The following TM9SF4 variants were observed in gnomAD, a reference collection of about 807,000 sequenced individuals.
TM9SF4 encodes the protein transmembrane 9 superfamily member 4.
TM9SF4 carries 26 observed loss-of-function variants against 90.4 expected under a neutral mutation model. The observed-to-expected ratio is 0.29, with a 90% CI of 0.21 to 0.40. The LOEUF (loss-of-function observed/expected upper bound fraction) is 0.40. Ranked by LOEUF, TM9SF4 falls within the 10% of genes least tolerant of loss-of-function variation. The pLI is 1.00. For synonymous variants in TM9SF4, 293 were observed against 315.4 expected (o/e 0.93, Z 0.75); for missense variants, 549 against 834.8 (o/e 0.66, Z 4.22).
chr20:32,113,349 A>G (rs760741016), intron 1 of TM9SF4, among the ~76,000 whole-genome samples: 9 of 152,176 alleles, frequency 5.9e-5, no homozygotes, highest in Non-Finnish European at 1.2e-4. Flanking sequence ...TTCTCCCTCC[A>G]TAGAAGATAG....
At chr20:32,112,478 T>G (rs1294938513) in intron 1 of TM9SF4, among the ~76,000 whole-genome samples, 1 of 151,930 alleles carries the variant, frequency 6.6e-6, no homozygotes, top group African/African-American at 2.4e-5. Flanking sequence ...GGCAAATCAC[T>G]TGAGGCCAGG....
chr20:32,158,647 C>A, intron 15 of TM9SF4, 133 bp downstream of exon 15: 1 of 895,266 alleles, frequency 1.1e-6, no homozygotes, highest in Non-Finnish European at 1.8e-6. Context: ...CCATTCTTCA[C>A]CCTGAAATTG....
chr20:32,120,699 G>C (rs1196973609), intron 1 of TM9SF4, among the ~76,000 whole-genome samples: 2 of 152,180 alleles, frequency 1.3e-5, no homozygotes, highest in African/African-American at 4.8e-5. Context: ...AATGGCAAGA[G>C]TAGGCATCCT....
intron 3 of TM9SF4, chr20:32,137,120 T>G (rs1418063546): frequency 1.1e-5 from 5 of 447,702 alleles, no homozygotes; most frequent in Non-Finnish European, 2.2e-5. Context: ...TGAACAGAGA[T>G]TGGCCTCAGA....
intron 9 of TM9SF4, 75 bp downstream of exon 9, chr20:32,146,930 G>A: frequency 7.4e-7 from 1 of 1,348,892 alleles, no homozygotes; most frequent in Non-Finnish European, 1.0e-6. Flanking sequence ...ATATGTTTGT[G>A]TATATTATCA....
chr20:32,139,828 A>T (rs2046645923), intron 3 of TM9SF4, among the ~76,000 whole-genome samples: 2 of 152,276 alleles, frequency 1.3e-5, no homozygotes, highest in South Asian at 4.1e-4. Context: ...CCCACCCCAA[A>T]GGGGCCTTTG....
intron 1 of TM9SF4, among the ~76,000 whole-genome samples, chr20:32,117,623 C>T (rs944854983): frequency 1.3e-5 from 2 of 149,832 alleles, no homozygotes; most frequent in African/African-American, 5.0e-5. Flanking sequence ...TTTCTGAGTG[C>T]CCAACCCACC....
rs909458977 is a variant in TM9SF4 at position 32,118,619 on chromosome 20, A to G, written c.15+8864A>G. ...TTTTGTTGTATTTATTTATTTATTT[A>G]TTTATTTATTTATTTATTTATTTAT... On this transcript the variant is annotated intron_variant, in intron 1 of 17. Coordinates refer to ENST00000398022, the MANE Select transcript of TM9SF4 (RefSeq NM_014742.4). Among the ~76,000 whole-genome samples, 4 of 123,442 alleles carry G rather than the reference A, an allele frequency of 3.2e-5. No homozygotes were observed. The East Asian group carries it at 9.1e-4, about 28-fold the overall frequency. The allele number at this position is 123,442 out of a possible 152,430, so 81.0% of individuals were successfully genotyped here. A position where few individuals can be genotyped will look rare whatever the true frequency, so the allele number is the denominator to read the frequency against.
At chr20:32,136,777 T>G (rs912738720) in intron 3 of TM9SF4, 3 of 460,394 alleles carry the variant, frequency 6.5e-6, no homozygotes, top group African/African-American at 6.0e-5. Context: ...CAGTTATTAG[T>G]GCCTCCTCTG....
At chr20:32,111,520 G>A (rs965287140) in intron 1 of TM9SF4, among the ~76,000 whole-genome samples, 1 of 151,930 alleles carries the variant, frequency 6.6e-6, no homozygotes, top group African/African-American at 2.4e-5. Context: ...ACAGGGTCAA[G>A]GTCCCTACAC....
At chr20:32,145,061 A>G in intron 6 of TM9SF4, 30 bp from the exon 7 acceptor site, 1 of 1,609,744 alleles carries the variant, frequency 6.2e-7, no homozygotes, top group Non-Finnish European at 8.5e-7. Flanking sequence ...TGGCCACCAC[A>G]GGAACAGACT....
At chr20:32,116,154 G>A (rs943159085) in intron 1 of TM9SF4, 18 of 152,092 alleles carry the variant, frequency 1.2e-4, no homozygotes, top group Non-Finnish European at 2.1e-4. Context: ...GCAGTTCAGT[G>A]GCATTAAGTA....
intron 1 of TM9SF4, among the ~76,000 whole-genome samples, chr20:32,128,790 C>CTGTGTGTGTCTGTG (rs2046462613): frequency 6.9e-6 from 1 of 145,268 alleles, no homozygotes; most frequent in Admixed American, 7.0e-5. Flanking sequence ...GTATTCCATT[C>CTGTGTGTGTCTGTG]TGTGTGTGTG....
At chr20:32,109,891 G>T (rs1224325402) in intron 1 of TM9SF4, 136 bp downstream of exon 1, 1 of 1,495,130 alleles carries the variant, frequency 6.7e-7, no homozygotes, top group African/African-American at 1.4e-5. Context: ...CCTCTGACTG[G>T]GCTTGTCTTC....
intron 3 of TM9SF4, among the ~76,000 whole-genome samples, chr20:32,138,621 C>T (rs1048479521): frequency 6.6e-5 from 10 of 152,234 alleles, no homozygotes; most frequent in Non-Finnish European, 1.3e-4. Flanking sequence ...TGCGCCATTG[C>T]GCTCCAGCCT....
At chr20:32,161,034 T>C (rs979079221) in intron 16 of TM9SF4, 30 of 322,324 alleles carry the variant, frequency 9.3e-5, no homozygotes, top group African/African-American at 6.3e-4. Context: ...TATTTTTTTG[T>C]TGTTGATTTT....
intron 2 of TM9SF4, among the ~76,000 whole-genome samples, chr20:32,135,405 G>A (rs1377487508): frequency 3.9e-5 from 6 of 152,178 alleles, no homozygotes; most frequent in Non-Finnish European, 4.4e-5. Flanking sequence ...CAAGGCACAC[G>A]TGGTCCTTGT....
chr20:32,122,762 G>C (rs1436601592), intron 1 of TM9SF4, among the ~76,000 whole-genome samples: 1 of 152,128 alleles, frequency 6.6e-6, no homozygotes, highest in African/African-American at 2.4e-5. Flanking sequence ...CTTCCCAGAC[G>C]GGGTGGCGGC....
intron 12 of TM9SF4, among the ~76,000 whole-genome samples, chr20:32,152,773 C>T (rs1262900962): frequency 6.6e-6 from 1 of 152,218 alleles, no homozygotes; most frequent in South Asian, 2.1e-4. Flanking sequence ...CTGCATCAGT[C>T]CTCCAGAGGC....
Sources: allele counts gnomAD v4.1 joint callset (sites outside exome capture counted in the v4.1 genomes callset), GRCh38; gene constraint gnomAD v4.1.1; transcripts MANE v1.5; gene names NCBI Gene and HGNC (gene_info 2026-07-23, HGNC 2026-07-21).